RTL4: variants seen among roughly 807,000 people sequenced by gnomAD.
RTL4 encodes the protein retrotransposon Gag-like protein 4.
RTL4 carries 4 observed loss-of-function variants against 5.3 expected under a neutral mutation model. The observed-to-expected ratio is 0.75, with a 90% confidence interval of 0.37 to 1.72. RTL4 has a LOEUF of 1.72. Among genes scored for constraint, RTL4 ranks in the 40% most tolerant of loss-of-function variants. The pLI, the probability that RTL4 is intolerant of heterozygous loss-of-function variation, is 0.04. For synonymous variants in RTL4, 98 were observed against 87.3 expected, an observed-to-expected ratio of 1.12 and a Z score of -0.68; for missense variants, 260 against 227.1, an observed-to-expected ratio of 1.14 and a Z score of -0.93.
the RTL4 span, among the ~76,000 whole-genome samples, chrX:112,351,416 T>C: frequency 9.1e-6 from 1 of 109,578 alleles, no homozygotes; most frequent in Non-Finnish European, 1.9e-5. Context: ...AATTCCTGGG[T>C]ATCCTTGTTA....
chrX:112,127,369 A>G, the RTL4 span, among the ~76,000 whole-genome samples: 3 of 111,377 alleles, frequency 2.7e-5, no homozygotes, highest in South Asian at 1.1e-3. Context: ...TCAAAATTCA[A>G]CAACCATTCA....
At chrX:112,101,872 G>A in the RTL4 span, among the ~76,000 whole-genome samples, 1 of 110,638 alleles carries the variant, frequency 9.0e-6, no homozygotes, top group East Asian at 2.9e-4. Context: ...TGAAAATGGA[G>A]CTAAAGATTA....
At chrX:112,161,265 C>T in the RTL4 span, among the ~76,000 whole-genome samples, 1 of 111,428 alleles carries the variant, frequency 9.0e-6, no homozygotes, top group Non-Finnish European at 1.9e-5. Flanking sequence ...CTTATAGGTG[C>T]CTATGTGGTG....
chrX:112,114,093 C>T, the RTL4 span, among the ~76,000 whole-genome samples: 9 of 111,572 alleles, frequency 8.1e-5, no homozygotes, highest in Non-Finnish European at 1.5e-4. Flanking sequence ...TCAGGTGATA[C>T]GGGAGTGTAT....
the RTL4 span, among the ~76,000 whole-genome samples, chrX:112,219,376 T>G: frequency 2.7e-5 from 3 of 112,234 alleles, no homozygotes; most frequent in Admixed American, 9.5e-5. Flanking sequence ...TATTATTTAT[T>G]TATTCTTTAA....
At chrX:112,188,104 A>G in the RTL4 span, among the ~76,000 whole-genome samples, 3 of 111,535 alleles carry the variant, frequency 2.7e-5, no homozygotes, top group East Asian at 2.8e-4. Flanking sequence ...CTTTATAATA[A>G]TCATTGTAGA....
the RTL4 span, among the ~76,000 whole-genome samples, chrX:112,129,097 C>T: frequency 8.9e-6 from 1 of 111,787 alleles, no homozygotes; most frequent in East Asian, 2.8e-4. Flanking sequence ...TATTCAACAT[C>T]ATTAGTTATT....
At chrX:112,388,219 T>A in the RTL4 span, among the ~76,000 whole-genome samples, 1 of 112,227 alleles carries the variant, frequency 8.9e-6, no homozygotes, top group Admixed American at 9.4e-5. Flanking sequence ...TTAGCTTGGC[T>A]GCTGTTGGTG....
At chrX:112,088,000 CT>C in the RTL4 span, among the ~76,000 whole-genome samples, 133 of 98,691 alleles carry the variant, frequency 1.3e-3, no homozygotes, top group African/African-American at 1.9e-3. Flanking sequence ...AAAACATTTT[CT>C]TTTTTTTTTT....
the RTL4 span, among the ~76,000 whole-genome samples, chrX:112,264,900 G>C: frequency 8.9e-6 from 1 of 112,749 alleles, no homozygotes; most frequent in Admixed American, 9.3e-5. Context: ...GTAGCTATGT[G>C]GTACCCTTGT....
the RTL4 span, among the ~76,000 whole-genome samples, chrX:112,381,098 G>A: frequency 9.0e-6 from 1 of 111,360 alleles, no homozygotes; most frequent in African/African-American, 3.3e-5. Flanking sequence ...GCAGCACCGA[G>A]ACCCTTTGAG....
the RTL4 span, among the ~76,000 whole-genome samples, chrX:112,343,485 CATA>C: frequency 8.9e-6 from 1 of 112,094 alleles, no homozygotes; most frequent in Non-Finnish European, 1.9e-5. Context: ...ATGGAATGTT[CATA>C]ATAATTTTTT....
chrX:112,350,004 C>G, the RTL4 span, among the ~76,000 whole-genome samples: 152 of 110,071 alleles, frequency 1.4e-3, no homozygotes, highest in African/African-American at 4.8e-3. Context: ...GTGGGTTTGT[C>G]ATAGATAGCT....
At chrX:112,114,534 T>A in the RTL4 span, among the ~76,000 whole-genome samples, 10 of 111,583 alleles carry the variant, frequency 9.0e-5, no homozygotes, top group Non-Finnish European at 1.7e-4. Context: ...TCTGAAAACT[T>A]CCCCAGGTCT....
the RTL4 span, among the ~76,000 whole-genome samples, chrX:112,154,850 A>T: frequency 9.0e-6 from 1 of 111,703 alleles, no homozygotes; most frequent in Non-Finnish European, 1.9e-5. Flanking sequence ...CATGACTGCT[A>T]TGGTCTGAAT....
At chrX:112,370,001 A>G in the RTL4 span, among the ~76,000 whole-genome samples, 960 of 112,082 alleles carry the variant, frequency 8.6e-3, 15 homozygotes, top group African/African-American at 0.03. Context: ...GGAATGTTGT[A>G]TTGGGAGTTT....
the RTL4 span, among the ~76,000 whole-genome samples, chrX:112,104,108 G>T: frequency 1.8e-5 from 2 of 111,392 alleles, no homozygotes; most frequent in Admixed American, 1.9e-4. Flanking sequence ...ACTTCTCGAA[G>T]AACAAATTTT....
At chrX:112,362,735 A>G in the RTL4 span, among the ~76,000 whole-genome samples, 58 of 111,003 alleles carry the variant, frequency 5.2e-4, no homozygotes, top group Admixed American at 1.1e-3. Context: ...GGTTACTATT[A>G]CAGTCCCCTT....
At chrX:112,119,047 G>A in the RTL4 span, among the ~76,000 whole-genome samples, 1 of 103,362 alleles carries the variant, frequency 9.7e-6, no homozygotes, top group African/African-American at 3.5e-5. Flanking sequence ...TAGTAGAGAC[G>A]GGGTTTCGCC....
Sources: gnomAD v4.1 joint callset for allele counts (sites outside exome capture counted in the v4.1 genomes callset) on GRCh38, gnomAD v4.1.1 for gene constraint, MANE v1.5 for transcripts, NCBI Gene and HGNC (gene_info 2026-07-23, HGNC 2026-07-21) for gene names.